SLC24A3: variants seen among roughly 807,000 people sequenced by gnomAD.
The protein encoded by SLC24A3 is sodium/potassium/calcium exchanger 3.
A neutral mutation model predicts 75.8 loss-of-function variants in SLC24A3; 28 were observed. The ratio of observed to expected loss-of-function variants is 0.37; its 90% confidence interval spans 0.27 to 0.51. SLC24A3 has a LOEUF of 0.51. Among genes scored for constraint, SLC24A3 ranks in the 20% least tolerant of loss-of-function variants. The pLI is 0.94. For missense variants in SLC24A3, 663 were observed against 847.8 expected (o/e 0.78, Z 2.71); for synonymous variants, 372 against 334.1 (o/e 1.11, Z -1.24).
At chr20:19,297,037 A>G (rs989104870) in intron 2 of SLC24A3, among the ~76,000 whole-genome samples, 2 of 152,128 alleles carry the variant, frequency 1.3e-5, no homozygotes, top group Non-Finnish European at 2.9e-5. Flanking sequence ...CATATAGAAA[A>G]CTAGAATGAA....
chr20:19,678,796 G>A (rs2032570196), intron 9 of SLC24A3, among the ~76,000 whole-genome samples: 1 of 151,178 alleles, frequency 6.6e-6, no homozygotes, highest in Non-Finnish European at 1.5e-5. Flanking sequence ...CGGGGCGGTT[G>A]CCGGGCGGAG....
rs561831417 is a variant in SLC24A3 at position 19,657,592 on chromosome 20, T to C, written c.687+3456T>C. Among the ~76,000 whole-genome samples, 39 of 152,376 alleles carry C rather than the reference T, an allele frequency of 2.6e-4. 1 individual carries two copies. The South Asian group carries it at 6.8e-3, about 27-fold the overall frequency. On this transcript the variant is annotated intron_variant, in intron 7 of 16. Transcript: ENST00000328041. Reference sequence around the variant, plus strand: ...AGTTGCCTGGATTTCTGACTATTGCTAGTCTGAGTAGACTCTTAACTCTTG... The same window carrying C: ...AGTTGCCTGGATTTCTGACTATTGCCAGTCTGAGTAGACTCTTAACTCTTG...
intron 2 of SLC24A3, among the ~76,000 whole-genome samples, chr20:19,405,334 C>A (rs945144417): frequency 3.3e-5 from 5 of 152,122 alleles, no homozygotes; most frequent in African/African-American, 7.2e-5. Context: ...AAACCAGGAA[C>A]CACTAGCACA....
At chr20:19,665,603 G>A (rs1197373065) in intron 7 of SLC24A3, among the ~76,000 whole-genome samples, 7 of 152,178 alleles carry the variant, frequency 4.6e-5, no homozygotes, top group African/African-American at 1.7e-4. Context: ...AGGAAGAAGG[G>A]AATTACCTGA....
chr20:19,264,091 G>A (rs530546307), intron 1 of SLC24A3: 6 of 149,748 alleles, frequency 4.0e-5, no homozygotes, highest in African/African-American at 1.2e-4. Context: ...GGTGGTGCAC[G>A]TCTGTAGTTC....
chr20:19,498,648 T>C (rs1310853258), intron 2 of SLC24A3, among the ~76,000 whole-genome samples: 5 of 152,208 alleles, frequency 3.3e-5, no homozygotes, highest in African/African-American at 1.2e-4. Flanking sequence ...GTTATAGCTA[T>C]GGTTATCAGT....
intron 1 of SLC24A3, among the ~76,000 whole-genome samples, chr20:19,238,275 T>C (rs1328769324): frequency 2.0e-5 from 3 of 152,202 alleles, no homozygotes; most frequent in African/African-American, 7.2e-5. Context: ...TCTTGCTGAA[T>C]GTTATGCTTG....
intron 2 of SLC24A3, among the ~76,000 whole-genome samples, chr20:19,377,204 C>T (rs1164396887): frequency 1.3e-5 from 2 of 152,114 alleles, no homozygotes; most frequent in Non-Finnish European, 2.9e-5. Context: ...AAAATTTGAA[C>T]GTTGGAGTGT....
chr20:19,495,005 A>G (rs905689557), intron 2 of SLC24A3, among the ~76,000 whole-genome samples: 4 of 152,198 alleles, frequency 2.6e-5, no homozygotes, highest in Admixed American at 2.6e-4. Context: ...TTGGCTGCAG[A>G]CCAGCCTCAG....
intron 1 of SLC24A3, among the ~76,000 whole-genome samples, chr20:19,272,699 C>T (rs1983366288): frequency 6.6e-6 from 1 of 152,220 alleles, no homozygotes. Context: ...GACCCATGGA[C>T]CTGGGATCTT....
intron 2 of SLC24A3, among the ~76,000 whole-genome samples, chr20:19,368,417 G>A (rs1985935337): frequency 6.6e-6 from 1 of 152,230 alleles, no homozygotes; most frequent in Admixed American, 6.5e-5. Context: ...TGATGGTGGT[G>A]TCACTTCATG....
At chr20:19,363,253 C>G (rs920097356) in intron 2 of SLC24A3, among the ~76,000 whole-genome samples, 3 of 152,208 alleles carry the variant, frequency 2.0e-5, no homozygotes, top group African/African-American at 7.2e-5. Context: ...GCCGTGGGCC[C>G]TTTTGTTCCC....
intron 2 of SLC24A3, among the ~76,000 whole-genome samples, chr20:19,493,563 CA>C (rs1988236948): frequency 6.6e-6 from 1 of 152,068 alleles, no homozygotes; most frequent in Non-Finnish European, 1.5e-5. Context: ...TTCTTAGGAC[CA>C]GGCTGAGGAT....
chr20:19,573,061 T>G (rs1310644330), intron 3 of SLC24A3, among the ~76,000 whole-genome samples: 1 of 152,140 alleles, frequency 6.6e-6, no homozygotes, highest in Non-Finnish European at 1.5e-5. Context: ...TCCCTAAGAA[T>G]TGCTTCTCCA....
chr20:19,541,892 G>T (rs773709377), intron 3 of SLC24A3, among the ~76,000 whole-genome samples: 1 of 152,202 alleles, frequency 6.6e-6, no homozygotes, highest in Non-Finnish European at 1.5e-5. Context: ...ACACTGTGGT[G>T]CTCCTACTGT....
At chr20:19,292,218 C>T (rs1266188822) in intron 2 of SLC24A3, among the ~76,000 whole-genome samples, 1 of 152,196 alleles carries the variant, frequency 6.6e-6, no homozygotes, top group Non-Finnish European at 1.5e-5. Flanking sequence ...TGCTCAGTCC[C>T]TGAGTGGATG....
At chr20:19,664,379 A>G (rs1293331192) in intron 7 of SLC24A3, among the ~76,000 whole-genome samples, 1 of 152,172 alleles carries the variant, frequency 6.6e-6, no homozygotes, top group Non-Finnish European at 1.5e-5. Flanking sequence ...TGTCATCCCA[A>G]TGTCAACTTG....
At chr20:19,436,514 T>G (rs1242147759) in intron 2 of SLC24A3, among the ~76,000 whole-genome samples, 3 of 152,232 alleles carry the variant, frequency 2.0e-5, no homozygotes, top group Non-Finnish European at 4.4e-5. Flanking sequence ...AGTTTCTGGC[T>G]GGATGCTCCC....
intron 2 of SLC24A3, among the ~76,000 whole-genome samples, chr20:19,424,568 G>A (rs1253215188): frequency 6.6e-6 from 1 of 151,920 alleles, no homozygotes; most frequent in Non-Finnish European, 1.5e-5. Flanking sequence ...GTGTGTGCCT[G>A]TAATCCCAGC....
Sources: allele counts gnomAD v4.1 joint callset (sites outside exome capture counted in the v4.1 genomes callset), GRCh38; gene constraint gnomAD v4.1.1; transcripts MANE v1.5; gene names NCBI Gene and HGNC (gene_info 2026-07-23, HGNC 2026-07-21).